Variants in ATP6V1H observed in about 807,000 individuals in gnomAD.
ATP6V1H encodes ATPase H+ transporting V1 subunit H.
Under a neutral mutation model 71.7 loss-of-function variants are expected in ATP6V1H, and 39 were observed. The ratio of observed to expected loss-of-function variants is 0.54; its 90% CI spans 0.42 to 0.71. The LOEUF is 0.71. ATP6V1H is among the 30% of genes least tolerant of loss of function. The probability of loss-of-function intolerance (pLI) is 0.00; values close to 1 mark genes in which losing one functional copy is unlikely to be tolerated. For synonymous variants in ATP6V1H, 192 were observed against 199.3 expected (o/e 0.96, Z 0.31); for missense variants, 509 against 594.9 (o/e 0.86, Z 1.50).
intron 7 of ATP6V1H, among the ~76,000 whole-genome samples, chr8:53,808,307 C>G (rs190038777): frequency 1.8e-3 from 272 of 152,328 alleles, no homozygotes; most frequent in Non-Finnish European, 2.3e-3. Flanking sequence ...TCCACTTCCA[C>G]GCTGTCCTGC....
intron 7 of ATP6V1H, among the ~76,000 whole-genome samples, chr8:53,807,383 T>C (rs1263721365): frequency 6.6e-6 from 1 of 151,884 alleles, no homozygotes; most frequent in Non-Finnish European, 1.5e-5. Context: ...GCAGATTACC[T>C]GAGGTCAGGC....
intron 4 of ATP6V1H, among the ~76,000 whole-genome samples, chr8:53,821,078 AAAG>A (rs199763121): frequency 0.056 from 8,489 of 151,324 alleles, 714 homozygotes; most frequent in African/African-American, 0.18. Flanking sequence ...GAAAAAAAAA[AAAG>A]AGAGAGAGGC....
chr8:53,722,740 G>A (rs1806668700), intron 13 of ATP6V1H, among the ~76,000 whole-genome samples: 1 of 152,118 alleles, frequency 6.6e-6, no homozygotes, highest in Non-Finnish European at 1.5e-5. Context: ...TTCTCCTAAA[G>A]GAAAATGTGC....
chr8:53,819,043 A>C (rs961624755), intron 4 of ATP6V1H, among the ~76,000 whole-genome samples: 2 of 150,076 alleles, frequency 1.3e-5, no homozygotes, highest in East Asian at 3.9e-4. Flanking sequence ...CCATCTCTAC[A>C]AAAAAATAAA....
In ATP6V1H at chr8:53,716,423, T is replaced by C. The variant is rs1806424076; in HGVS notation, c.1392-399A>G. Among the ~76,000 whole-genome samples the C allele has an allele frequency of 3.9e-5, 6 of 152,236 alleles. No individual in the cohort carries two copies. In the South Asian group the frequency reaches 1.2e-3, roughly 32 times the overall value. On this transcript the variant is annotated intron_variant, in intron 13 of 13. Coordinates refer to ENST00000359530, the MANE Select transcript of ATP6V1H (RefSeq NM_015941.4). ...AAGTTCAACATCACCTCAATTACGA[T>C]TCTGAATGACCTCATAAATGAAAAA...
intron 7 of ATP6V1H, among the ~76,000 whole-genome samples, chr8:53,802,996 C>T (rs1311779386): frequency 2.0e-5 from 3 of 152,166 alleles, no homozygotes; most frequent in Non-Finnish European, 2.9e-5. Context: ...AACATCTGAC[C>T]TGGGCTTTTC....
chr8:53,731,551 T>C (rs1031023400), intron 13 of ATP6V1H, among the ~76,000 whole-genome samples: 1 of 152,198 alleles, frequency 6.6e-6, no homozygotes, highest in Non-Finnish European at 1.5e-5. Context: ...ACGTACCCCA[T>C]GCTTGCTCAA....
intron 11 of ATP6V1H, among the ~76,000 whole-genome samples, chr8:53,767,244 A>T (rs2130302758): frequency 6.6e-6 from 1 of 152,354 alleles, no homozygotes; most frequent in South Asian, 2.1e-4. Context: ...ACATATCAAT[A>T]TTAGTTCATC....
chr8:53,740,297 T>A (rs1297427793), intron 13 of ATP6V1H, among the ~76,000 whole-genome samples: 1 of 152,224 alleles, frequency 6.6e-6, no homozygotes, highest in Non-Finnish European at 1.5e-5. Context: ...CAGAAAGTAA[T>A]AAATGTTAAT....
Position 53,769,676 on chromosome 8 carries a change from C to G in ATP6V1H, c.1117G>C (p.Glu373Gln), listed in dbSNP as rs752068866. ...RLEWSPVHKSEKFWRENAVRL... is the reference protein window; with the variant it reads ...RLEWSPVHKSQKFWRENAVRL... The stretch of plus-strand genomic sequence containing the variant: ...ACAGCATTCTCTCTCCAAAATTTCT[C>G]AGATTTGTGCACAGGACTCCATTCC... The change falls in exon 11 of 14, where the codon GAG becomes CAG. Residue 373 changes from glutamate (E) to glutamine (Q), a missense_variant. By Grantham distance (29) the Glu-to-Gln change is conservative. Coordinates refer to ENST00000359530, the MANE Select transcript of ATP6V1H (RefSeq NM_015941.4). 1.2e-6 allele frequency: 2 copies of G among 1,612,920 alleles called. No individual in the cohort carries two copies. Among genetic ancestry groups the G allele is most frequent in the African/African-American group, 1.3e-5 (1 of 74,872 alleles).
At chr8:53,747,125 A>G (rs1010598067) in intron 12 of ATP6V1H, among the ~76,000 whole-genome samples, 1 of 152,146 alleles carries the variant, frequency 6.6e-6, no homozygotes, top group Non-Finnish European at 1.5e-5. Flanking sequence ...CTATCTTAAT[A>G]TAAATAATTC....
chr8:53,805,292 T>G (rs776730065), intron 7 of ATP6V1H, among the ~76,000 whole-genome samples: 1 of 152,202 alleles, frequency 6.6e-6, no homozygotes, highest in Admixed American at 6.5e-5. Context: ...CACATTGGTA[T>G]CAGTGAACCA....
At chr8:53,806,665 G>T (rs936200648) in intron 7 of ATP6V1H, 4 of 256,550 alleles carry the variant, frequency 1.6e-5, no homozygotes, top group Non-Finnish European at 3.2e-5. Context: ...CATAGTATTA[G>T]GTTAGCTTAT....
intron 9 of ATP6V1H, among the ~76,000 whole-genome samples, chr8:53,791,971 T>G (rs1429750710): frequency 6.6e-6 from 1 of 152,158 alleles, no homozygotes; most frequent in Non-Finnish European, 1.5e-5. Context: ...TTCTGAAAAT[T>G]TTTGCTTTTA....
At chr8:53,769,792 C>T in intron 10 of ATP6V1H, 49 bp from the exon 11 acceptor site, 3 of 1,482,932 alleles carry the variant, frequency 2.0e-6, no homozygotes, top group Non-Finnish European at 1.8e-6. Flanking sequence ...TCTGACAGTA[C>T]TCCAAAATTA....
At chr8:53,812,458 T>C (rs1449183221) in intron 6 of ATP6V1H, among the ~76,000 whole-genome samples, 1 of 152,230 alleles carries the variant, frequency 6.6e-6, no homozygotes, top group Non-Finnish European at 1.5e-5. Context: ...CTCCCAGTTG[T>C]TGCACATCAT....
At chr8:53,731,282 G>A (rs990930753) in intron 13 of ATP6V1H, among the ~76,000 whole-genome samples, 1 of 152,076 alleles carries the variant, frequency 6.6e-6, no homozygotes, top group Non-Finnish European at 1.5e-5. Flanking sequence ...CAGCTCTCAC[G>A]ATAAGGAAGG....
chr8:53,841,173 T>C (rs1418498980), intron 2 of ATP6V1H, among the ~76,000 whole-genome samples: 3 of 152,236 alleles, frequency 2.0e-5, no homozygotes. Flanking sequence ...CAAATATCTG[T>C]GCTTCTTATT....
chr8:53,760,436 T>C (rs1035142766), intron 11 of ATP6V1H, among the ~76,000 whole-genome samples: 1 of 152,162 alleles, frequency 6.6e-6, no homozygotes, highest in South Asian at 2.1e-4. Flanking sequence ...ACTATGCCAA[T>C]GTATAAAACC....
Sources: gnomAD v4.1 joint callset for allele counts (sites outside exome capture counted in the v4.1 genomes callset) on GRCh38, gnomAD v4.1.1 for gene constraint, MANE v1.5 for transcripts, NCBI Gene and HGNC (gene_info 2026-07-23, HGNC 2026-07-21) for gene names.